The following GRM8 variants were observed in gnomAD, a reference collection of about 807,000 sequenced individuals.
GRM8 encodes the protein metabotropic glutamate receptor 8.
GRM8 carries 47 observed loss-of-function variants against 87.2 expected under a neutral mutation model. That is an observed-to-expected ratio of 0.54 (90% CI 0.43 to 0.69). GRM8 has a LOEUF of 0.69. Ranked by LOEUF, GRM8 falls within the 30% of genes least tolerant of loss-of-function variation. The pLI is 0.00. For missense variants in GRM8, 1,019 were observed against 1,139.2 expected, an observed-to-expected ratio of 0.89 and a Z score of 1.52; for synonymous variants, 396 against 404.5, an observed-to-expected ratio of 0.98 and a Z score of 0.25.
chr7:126,829,790 C>T (rs1282349520), intron 6 of GRM8, among the ~76,000 whole-genome samples: 1 of 151,828 alleles, frequency 6.6e-6, no homozygotes, highest in African/African-American at 2.4e-5. Flanking sequence ...GTAGTTTCTT[C>T]CTAGTCTCGA....
intron 9 of GRM8, among the ~76,000 whole-genome samples, chr7:126,452,728 C>T (rs898344124): frequency 1.3e-5 from 2 of 151,660 alleles, no homozygotes; most frequent in African/African-American, 4.8e-5. Flanking sequence ...TTTTGCTCTC[C>T]ATCAGCAATG....
chr7:126,813,523 C>A (rs1008304379), intron 6 of GRM8, among the ~76,000 whole-genome samples: 1 of 152,086 alleles, frequency 6.6e-6, no homozygotes. Flanking sequence ...AACTACTCAT[C>A]ATGGTACAGA....
At chr7:126,587,782 C>A (rs1796293317) in intron 8 of GRM8, among the ~76,000 whole-genome samples, 1 of 151,052 alleles carries the variant, frequency 6.6e-6, no homozygotes. Context: ...ATATAACAAA[C>A]CTGCATGTTG....
chr7:127,178,630 C>T (rs1186412128), intron 2 of GRM8, among the ~76,000 whole-genome samples: 2 of 152,126 alleles, frequency 1.3e-5, no homozygotes, highest in African/African-American at 4.8e-5. Flanking sequence ...TAAAGAAAAA[C>T]CTATCAGATT....
At chr7:127,226,946 G>A (rs1361321578) in intron 2 of GRM8, among the ~76,000 whole-genome samples, 1 of 152,222 alleles carries the variant, frequency 6.6e-6, no homozygotes, top group Non-Finnish European at 1.5e-5. Context: ...AAAGCTAGTG[G>A]TTTTCTAAAG....
At chr7:127,239,204 A>C (rs906707912) in intron 2 of GRM8, among the ~76,000 whole-genome samples, 1 of 152,244 alleles carries the variant, frequency 6.6e-6, no homozygotes. Context: ...CAAAAAAAGG[A>C]AACTGAGACA....
chr7:127,178,417 G>A (rs1346753136), intron 2 of GRM8, among the ~76,000 whole-genome samples: 1 of 152,134 alleles, frequency 6.6e-6, no homozygotes, highest in Non-Finnish European at 1.5e-5. Context: ...TAAAACCTTG[G>A]AAAACATATT....
chr7:126,696,269 G>T (rs1563100092), intron 7 of GRM8, among the ~76,000 whole-genome samples: 2 of 152,142 alleles, frequency 1.3e-5, no homozygotes. Flanking sequence ...GGATGTGCAG[G>T]TTTGTTACAC....
chr7:126,676,852 A>G (rs1342308996), intron 7 of GRM8, among the ~76,000 whole-genome samples: 1 of 152,184 alleles, frequency 6.6e-6, no homozygotes, highest in African/African-American at 2.4e-5. Flanking sequence ...AGCGAATGCA[A>G]TAAAAAGAAA....
chr7:126,891,541 A>G (rs1312448865), intron 6 of GRM8, among the ~76,000 whole-genome samples: 6 of 151,848 alleles, frequency 4.0e-5, no homozygotes, highest in Non-Finnish European at 7.4e-5. Flanking sequence ...CTCTCTTCCT[A>G]TCCCCCTCTC....
At chr7:126,945,542 G>A (rs538707282) in intron 3 of GRM8, among the ~76,000 whole-genome samples, 1 of 152,200 alleles carries the variant, frequency 6.6e-6, no homozygotes, top group East Asian at 1.9e-4. Context: ...GCCCAAAATT[G>A]TTAAAACATA....
chr7:126,521,463 T>C (rs991329751), intron 9 of GRM8, among the ~76,000 whole-genome samples: 1 of 152,096 alleles, frequency 6.6e-6, no homozygotes, highest in Admixed American at 6.6e-5. Flanking sequence ...TGCTATTTGA[T>C]TGGTTGAAAA....
At chr7:126,564,189 A>C (rs1231561200) in intron 8 of GRM8, among the ~76,000 whole-genome samples, 1 of 152,138 alleles carries the variant, frequency 6.6e-6, no homozygotes, top group Non-Finnish European at 1.5e-5. Context: ...TTCCTAGCAA[A>C]AGTGTTTTAA....
intron 8 of GRM8, among the ~76,000 whole-genome samples, chr7:126,557,677 T>C (rs1350016366): frequency 6.6e-6 from 1 of 152,190 alleles, no homozygotes; most frequent in African/African-American, 2.4e-5. Context: ...TAGTAAGATC[T>C]TTTTATTCAT....
chr7:126,587,934 A>C (rs563300487), intron 8 of GRM8, among the ~76,000 whole-genome samples: 66 of 152,086 alleles, frequency 4.3e-4, no homozygotes, highest in South Asian at 1.9e-3. Context: ...AAAAAGAAAG[A>C]ACAGTCACTA....
intron 9 of GRM8, among the ~76,000 whole-genome samples, chr7:126,498,036 C>T (rs1809040549): frequency 6.6e-6 from 1 of 151,848 alleles, no homozygotes; most frequent in East Asian, 1.9e-4. Flanking sequence ...TGAAATATCT[C>T]CTAGAGAAGA....
chr7:126,879,864 C>T (rs1799872008), intron 6 of GRM8, among the ~76,000 whole-genome samples: 1 of 152,046 alleles, frequency 6.6e-6, no homozygotes. Flanking sequence ...TAAGGTTAGT[C>T]AGGGGTGAGA....
intron 9 of GRM8, among the ~76,000 whole-genome samples, chr7:126,472,918 G>A (rs866326201): frequency 2.6e-5 from 4 of 152,220 alleles, no homozygotes. Flanking sequence ...TTTATAAATG[G>A]TGTTCAGCCT....
At chr7:126,754,312 C>A (rs80262235) in intron 7 of GRM8, among the ~76,000 whole-genome samples, 83 of 151,978 alleles carry the variant, frequency 5.5e-4, no homozygotes, top group Non-Finnish European at 1.1e-3. Context: ...CATTAATCTG[C>A]AACAGTATCA....
Sources: gnomAD v4.1 joint callset for allele counts (sites outside exome capture counted in the v4.1 genomes callset) on GRCh38, gnomAD v4.1.1 for gene constraint, MANE v1.5 for transcripts, NCBI Gene and HGNC (gene_info 2026-07-23, HGNC 2026-07-21) for gene names.